Variants in SORBS2 observed in about 807,000 individuals in gnomAD.
SORBS2 encodes sorbin and SH3 domain-containing protein 2.
Under a neutral mutation model 97.7 loss-of-function variants are expected in SORBS2, and 46 were observed. The observed-to-expected ratio is 0.47, with a 90% CI of 0.37 to 0.60. The LOEUF (loss-of-function observed/expected upper bound fraction) is 0.60. SORBS2 is among the 20% of genes least tolerant of loss of function. The pLI, the probability that SORBS2 is intolerant of heterozygous loss-of-function variation, is 0.00. For missense variants in SORBS2, 1,316 were observed against 1,282.3 expected (o/e 1.03, Z -0.40); for synonymous variants, 476 against 473.4 (o/e 1.01, Z -0.07).
chr4:185,597,495 A>G (rs1181866897), intron 12 of SORBS2, among the ~76,000 whole-genome samples: 2 of 152,230 alleles, frequency 1.3e-5, no homozygotes, highest in African/African-American at 2.4e-5. Flanking sequence ...GATACTGGAT[A>G]ATTTCTTAAT....
intron 2 of SORBS2, among the ~76,000 whole-genome samples, chr4:185,682,667 T>C (rs1340320529): frequency 6.6e-6 from 1 of 152,188 alleles, no homozygotes; most frequent in Non-Finnish European, 1.5e-5. Context: ...TAGAATGCAG[T>C]TGTGCATATT....
intron 12 of SORBS2, 76 bp from the exon 25 acceptor site, chr4:185,594,011 G>C: frequency 5.2e-6 from 5 of 962,416 alleles, no homozygotes; most frequent in Non-Finnish European, 8.2e-6. Flanking sequence ...TAATGGCATG[G>C]TACTTTTCTT....
intron 1 of SORBS2, among the ~76,000 whole-genome samples, chr4:185,942,387 G>T (rs1308471078): frequency 6.1e-5 from 9 of 148,108 alleles, no homozygotes; most frequent in African/African-American, 2.2e-4. Context: ...ACCTCACTTT[G>T]TCACTCAGTC....
chr4:185,799,485 A>C (rs963526188), intron 1 of SORBS2, among the ~76,000 whole-genome samples: 3 of 152,202 alleles, frequency 2.0e-5, no homozygotes, highest in African/African-American at 7.2e-5. Flanking sequence ...TGGTAGGACG[A>C]GCATTAGAGT....
chr4:185,794,818 T>C (rs944308490), intron 1 of SORBS2, among the ~76,000 whole-genome samples: 3 of 148,776 alleles, frequency 2.0e-5, no homozygotes, highest in Admixed American at 6.8e-5. Flanking sequence ...CTGAGCATGA[T>C]TGAAGTCCTG....
chr4:185,770,222 A>G (rs2098962304), intron 2 of SORBS2, among the ~76,000 whole-genome samples: 1 of 151,994 alleles, frequency 6.6e-6, no homozygotes. Flanking sequence ...TGGCTTTTAA[A>G]ATGTTTTCTC....
chr4:185,921,234 C>G (rs1208322945), intron 1 of SORBS2, among the ~76,000 whole-genome samples: 1 of 152,194 alleles, frequency 6.6e-6, no homozygotes, highest in African/African-American at 2.4e-5. Context: ...TTTAATCTCT[C>G]TCCACTCAGC....
chr4:185,918,287 CAACT>C (rs1268747064), intron 1 of SORBS2: 1 of 152,146 alleles, frequency 6.6e-6, no homozygotes, highest in Non-Finnish European at 1.5e-5. Context: ...GCAGATAATA[CAACT>C]AACTTTTTTT....
chr4:185,912,889 A>T (rs77636683), intron 1 of SORBS2, among the ~76,000 whole-genome samples: 4,058 of 152,300 alleles, frequency 0.027, 151 homozygotes, highest in African/African-American at 0.082. Context: ...CCCGTTTCGA[A>T]TGTTACATAA....
At chr4:185,909,666 G>A (rs954350857) in intron 1 of SORBS2, among the ~76,000 whole-genome samples, 2 of 152,194 alleles carry the variant, frequency 1.3e-5, no homozygotes, top group Non-Finnish European at 2.9e-5. Context: ...GGGCTTCTGT[G>A]AAGACATTGT....
At chr4:185,886,471 C>T (rs2099239556) in intron 1 of SORBS2, among the ~76,000 whole-genome samples, 1 of 142,634 alleles carries the variant, frequency 7.0e-6, no homozygotes, top group Admixed American at 7.4e-5. Context: ...AGGAAAATTG[C>T]TTGAACCTGG....
At position 185,649,236 on chromosome 4, in the gene SORBS2, G is replaced by A. The variant is rs556368584; in HGVS notation, c.281+231C>T. ...ATGTATTGATCAAAAAGCAGAAAAT[G>A]TGTCCATATTACTTCAAGTCTAATT... On this transcript the variant is annotated intron_variant, in intron 3 of 14. Transcript: ENST00000418609. 5.3e-5 allele frequency among the ~76,000 whole-genome samples: 8 copies of A among 152,260 alleles called. No individual in the cohort carries two copies. In the South Asian group the frequency reaches 1.7e-3, roughly 32 times the overall value.
chr4:185,820,799 T>G (rs1406311058), intron 1 of SORBS2, among the ~76,000 whole-genome samples: 1 of 152,198 alleles, frequency 6.6e-6, no homozygotes, highest in Non-Finnish European at 1.5e-5. Flanking sequence ...TCCCGCGAGA[T>G]TATAAACTGC....
intron 4 of SORBS2, among the ~76,000 whole-genome samples, chr4:185,635,043 G>A (rs2096971347): frequency 6.6e-6 from 1 of 152,076 alleles, no homozygotes; most frequent in African/African-American, 2.4e-5. Context: ...AAAAAGAGGT[G>A]GTTAATATAT....
intron 1 of SORBS2, among the ~76,000 whole-genome samples, chr4:185,870,464 G>A (rs2099229772): frequency 6.6e-6 from 1 of 152,204 alleles, no homozygotes; most frequent in Admixed American, 6.5e-5. Context: ...CGTTTTCAGT[G>A]TTATGTTTCA....
At chr4:185,660,037 G>C (rs2097490090), upstream of SORBS2, among the ~76,000 whole-genome samples, 1 of 152,098 alleles carries the variant, frequency 6.6e-6, no homozygotes, top group Non-Finnish European at 1.5e-5. Flanking sequence ...TTCATCTAGG[G>C]CAAGGTAGAT....
intron 5 of SORBS2, among the ~76,000 whole-genome samples, chr4:185,627,886 CT>C (rs147360983): frequency 0.36 from 54,325 of 151,792 alleles, 9,857 homozygotes; most frequent in South Asian, 0.51. Context: ...TCCACACGGC[CT>C]CCACAGTTTC....
intron 4 of SORBS2, chr4:185,675,049 A>T (rs555331081): frequency 6.6e-6 from 1 of 152,324 alleles, no homozygotes; most frequent in Non-Finnish European, 1.5e-5. Flanking sequence ...TAGGCACCCA[A>T]TAAATATTTC....
intron 1 of SORBS2, among the ~76,000 whole-genome samples, chr4:185,879,174 C>CA (rs1554045454): frequency 7.2e-5 from 8 of 111,594 alleles, no homozygotes; most frequent in African/African-American, 2.1e-4. Context: ...CTCCCCCCCC[C>CA]CCACCCCACG....
Sources: allele counts gnomAD v4.1 joint callset (sites outside exome capture counted in the v4.1 genomes callset), GRCh38; gene constraint gnomAD v4.1.1; transcripts MANE v1.5; gene names NCBI Gene and HGNC (gene_info 2026-07-23, HGNC 2026-07-21).